CDC7: variants seen among roughly 807,000 people sequenced by gnomAD.
CDC7 encodes cell division cycle 7-related protein kinase.
CDC7 carries 34 observed loss-of-function variants against 53.5 expected under a neutral mutation model. That is an observed-to-expected ratio of 0.64 (90% CI 0.48 to 0.85). The LOEUF (loss-of-function observed/expected upper bound fraction) is 0.85. Among genes scored for constraint, CDC7 ranks in the 40% least tolerant of loss-of-function variants. The pLI, the probability that CDC7 is intolerant of heterozygous loss-of-function variation, is 0.00. For synonymous variants in CDC7, 211 were observed against 222.8 expected (o/e 0.95, Z 0.47); for missense variants, 594 against 679.7 (o/e 0.87, Z 1.40).
chr1:91,517,456 G>A (rs1185917422), intron 10 of CDC7, among the ~76,000 whole-genome samples: 4 of 152,186 alleles, frequency 2.6e-5, no homozygotes, highest in Admixed American at 2.6e-4. Flanking sequence ...CCTAGCTTGG[G>A]AGACTTGGAT....
chr1:91,507,329 A>G (rs1282571097), intron 2 of CDC7, among the ~76,000 whole-genome samples: 1 of 152,248 alleles, frequency 6.6e-6, no homozygotes, highest in African/African-American at 2.4e-5. Context: ...AGTCAAGGAT[A>G]GAGGATACTA....
Position 91,513,459 on chromosome 1 carries a change from T to C in CDC7, c.822+152T>C, listed in dbSNP as rs1323186910. On this transcript the variant is annotated intron_variant, in intron 7 of 11. Coordinates refer to ENST00000234626, the MANE Select transcript of CDC7 (RefSeq NM_003503.4). ...TGTATTCATTTGATTAAATTTTCAC[T>C]AAGATTTGTACTGAATCATTTTGGT... 6.7e-6 allele frequency: 4 copies of C among 596,874 alleles called. No homozygotes were observed. The East Asian group carries it at 1.1e-4, about 17-fold the overall frequency. 37.0% of individuals were successfully genotyped at this position (596,874 alleles called of 1,614,324 possible).
rs770345842 is a variant in CDC7, at chr1:91,511,815, G to A, written c.464G>A (p.Arg155Gln). 24 of 1,605,994 alleles carry A rather than the reference G, an allele frequency of 1.5e-5. No individual in the cohort carries two copies. The highest frequency in any genetic ancestry group is 2.2e-5 in the South Asian group (2 of 90,388). ...ILNSLSFQEV[R>Q]EYMLNLFKAL... Reference sequence around the variant, plus strand: ...AATTCTCTTTCCTTTCAAGAAGTACGGGAATATATGCTTAATCTGTTCAAA... The same window carrying A: ...AATTCTCTTTCCTTTCAAGAAGTACAGGAATATATGCTTAATCTGTTCAAA... The change falls in exon 6 of 12, where the codon CGG becomes CAG. Residue 155 changes from arginine to glutamine, a missense_variant. Coordinates refer to ENST00000234626, the MANE Select transcript of CDC7 (RefSeq NM_003503.4).
At chr1:91,511,501 G>A in intron 4 of CDC7, 96 bp from the exon 5 acceptor site, 1 of 687,828 alleles carries the variant, frequency 1.5e-6, no homozygotes, top group East Asian at 2.5e-5. Flanking sequence ...CTAGCAATAT[G>A]TATGCATTGC....
rs1170136620 is a variant in CDC7, at chr1:91,524,468, A to T, written c.*33A>T. ...TCTTCATTTAATGTTTACTGTTATGAGGTAGAATAAAAAAGAATACTTTGT... is the reference window on the plus strand; with the variant it reads ...TCTTCATTTAATGTTTACTGTTATGTGGTAGAATAAAAAAGAATACTTTGT... On this transcript the variant is annotated 3_prime_UTR_variant, in exon 12 of 12. Coordinates refer to ENST00000234626, the MANE Select transcript of CDC7 (RefSeq NM_003503.4). 6.6e-7 allele frequency: 1 copy of T among 1,506,470 alleles called. No individual in the cohort carries two copies. Among genetic ancestry groups the T allele is most frequent in the Admixed American group, 2.0e-5 (1 of 50,556 alleles). The allele number at this position is 1,506,470 out of a possible 1,614,324, so 93.3% of individuals were successfully genotyped here.
chr1:91,514,156 C>T (rs773556661), intron 8 of CDC7, 113 bp downstream of exon 8: 47 of 622,898 alleles, frequency 7.5e-5, no homozygotes, highest in Non-Finnish European at 1.1e-4. Context: ...TAGAGTTTGG[C>T]TTTGGCAGAA....
In CDC7 at chr1:91,518,093, CAAA is replaced by C. The variant is rs55787737; in HGVS notation, c.1181-2016_1181-2014del. ...TGAGCAACAGAGTGAGACTCAGTCT[CAAA>C]AAAAAAAAAAAAAAAAAAAAGGTGA... On this transcript the variant is annotated intron_variant, in intron 10 of 11. Transcript: ENST00000234626. Among the ~76,000 whole-genome samples the C allele has an allele frequency of 2.8e-4, 13 of 46,026 alleles. No individual in the cohort carries two copies. In the East Asian group the frequency reaches 6.7e-3, roughly 24 times the overall value. The allele number at this position is 46,026 out of a possible 152,430, so 30.2% of individuals were successfully genotyped here. A position where few individuals can be genotyped will look rare whatever the true frequency, so the allele number is the denominator to read the frequency against.
chr1:91,501,591 G>C (rs1228498208), intron 1 of CDC7, 63 bp from the exon 2 acceptor site: 1 of 734,342 alleles, frequency 1.4e-6, no homozygotes, highest in African/African-American at 1.8e-5. Flanking sequence ...GGGGGCAGTA[G>C]CATGTTTTTA....
intron 10 of CDC7, among the ~76,000 whole-genome samples, chr1:91,517,152 C>G (rs546520670): frequency 6.6e-6 from 1 of 152,038 alleles, no homozygotes; most frequent in East Asian, 1.9e-4. Context: ...CAAGGTCAGA[C>G]CACAGTTGTT....
At chr1:91,519,418 G>C (rs1023800705) in intron 10 of CDC7, among the ~76,000 whole-genome samples, 2 of 152,048 alleles carry the variant, frequency 1.3e-5, no homozygotes, top group East Asian at 3.9e-4. Context: ...CACAGAGGGA[G>C]ACCTTGTCTC....
At chr1:91,511,348 C>G (rs951074145) in intron 4 of CDC7, among the ~76,000 whole-genome samples, 3 of 152,036 alleles carry the variant, frequency 2.0e-5, no homozygotes, top group Non-Finnish European at 4.4e-5. Context: ...TCTGCTGCTT[C>G]CCCAGTCACA....
rs532621385 is a variant in CDC7 at position 91,508,054 on chromosome 1, T to C, written c.199+117T>C. On this transcript the variant is annotated intron_variant, in intron 3 of 11. Transcript: ENST00000234626. ...TTGAAAAATATACCACTTTTTAGAC[T>C]ATTAAGACCATAGTTTTATTACTAA... 5.6e-6 allele frequency: 5 copies of C among 890,666 alleles called. No individual in the cohort carries two copies. In the African/African-American group the frequency reaches 6.8e-5, roughly 12 times the overall value. 55.2% of individuals were successfully genotyped at this position (890,666 alleles called of 1,614,324 possible).
chr1:91,507,089 T>TTTTGAG (rs1557587816), intron 2 of CDC7, among the ~76,000 whole-genome samples: 5 of 152,222 alleles, frequency 3.3e-5, no homozygotes, highest in Non-Finnish European at 7.4e-5. Context: ...TTCACAGTAC[T>TTTTGAG]GTTAGGAAGA....
intron 11 of CDC7, among the ~76,000 whole-genome samples, chr1:91,521,768 C>T (rs1667958856): frequency 6.6e-6 from 1 of 152,008 alleles, no homozygotes. Flanking sequence ...ATAATCAGGG[C>T]CAACAATGGA....
intron 6 of CDC7, 79 bp downstream of exon 6, chr1:91,512,002 G>A: frequency 9.5e-7 from 1 of 1,052,420 alleles, no homozygotes; most frequent in Non-Finnish European, 1.4e-6. Flanking sequence ...TTAAGGTATT[G>A]AACATGATGT....
intron 2 of CDC7, among the ~76,000 whole-genome samples, chr1:91,503,933 T>G (rs1227282359): frequency 6.6e-6 from 1 of 152,084 alleles, no homozygotes; most frequent in Non-Finnish European, 1.5e-5. Context: ...TAGTAAATAT[T>G]CTACAACTGG....
At position 91,515,013 on chromosome 1, in the gene CDC7, G is replaced by A; in HGVS notation, c.1097+16G>A. The A allele has an allele frequency of 1.3e-6, 2 of 1,598,884 alleles. No individual in the cohort carries two copies. Among genetic ancestry groups the A allele is most frequent in the South Asian group, 2.3e-5 (2 of 88,686 alleles). On this transcript the variant is annotated intron_variant, in intron 9 of 11. Transcript: ENST00000234626. ...GCCTTTCAAGGTAATGTGTTTTGAT[G>A]GTGTTATAAAATCACCAGCATGCTG...
intron 6 of CDC7, among the ~76,000 whole-genome samples, chr1:91,512,713 T>A (rs981929183): frequency 1.3e-5 from 2 of 152,104 alleles, no homozygotes; most frequent in African/African-American, 4.8e-5. Flanking sequence ...TTAATTTTTT[T>A]AAGCTTTCTT....
intron 6 of CDC7, 65 bp downstream of exon 6, chr1:91,511,988 A>G (rs893775550): frequency 6.9e-5 from 83 of 1,207,886 alleles, no homozygotes; most frequent in Non-Finnish European, 9.2e-5. Context: ...TTTATTGTCT[A>G]TATTTAAGGT....
Sources: allele counts gnomAD v4.1 joint callset (sites outside exome capture counted in the v4.1 genomes callset), GRCh38; gene constraint gnomAD v4.1.1; transcripts MANE v1.5; gene names NCBI Gene and HGNC (gene_info 2026-07-23, HGNC 2026-07-21).